PPFIA2: variants seen among roughly 807,000 people sequenced by gnomAD.
PPFIA2 encodes the protein liprin-alpha-2.
PPFIA2 carries 46 observed loss-of-function variants against 175.5 expected under a neutral mutation model. The observed-to-expected ratio is 0.26, with a 90% CI of 0.21 to 0.34. The LOEUF (loss-of-function observed/expected upper bound fraction) is 0.34. Among genes scored for constraint, PPFIA2 ranks in the 10% least tolerant of loss-of-function variants. PPFIA2 has a pLI of 1.00. For synonymous variants in PPFIA2, 568 were observed against 511.4 expected (o/e 1.11, Z -1.49); for missense variants, 1,179 against 1,506.1 (o/e 0.78, Z 3.60).
intron 4 of PPFIA2, among the ~76,000 whole-genome samples, chr12:81,645,744 A>G (rs2065969928): frequency 6.6e-6 from 1 of 152,232 alleles, no homozygotes; most frequent in Admixed American, 6.5e-5. Flanking sequence ...AGTGGGTAGT[A>G]GGGAGGCAAG....
chr12:81,348,713 G>C (rs879429389), intron 17 of PPFIA2, among the ~76,000 whole-genome samples: 1 of 152,136 alleles, frequency 6.6e-6, no homozygotes, highest in Non-Finnish European at 1.5e-5. Context: ...TCCAGCCTGG[G>C]TGGCAGAGTG....
chr12:81,488,810 C>T (rs756515057), intron 4 of PPFIA2, among the ~76,000 whole-genome samples: 4 of 151,700 alleles, frequency 2.6e-5, no homozygotes, highest in Admixed American at 6.6e-5. Flanking sequence ...AGTTCCCACA[C>T]GAGAACACAT....
intron 7 of PPFIA2, among the ~76,000 whole-genome samples, chr12:81,407,643 C>T (rs1055463658): frequency 9.2e-5 from 14 of 152,072 alleles, no homozygotes; most frequent in Middle Eastern, 3.2e-3. Flanking sequence ...GCGACACTGG[C>T]CTCCTTTCCA....
chr12:81,368,456 T>G (rs2034171686), intron 13 of PPFIA2, among the ~76,000 whole-genome samples: 1 of 151,790 alleles, frequency 6.6e-6, no homozygotes, highest in Admixed American at 6.6e-5. Context: ...AATATTTTCA[T>G]CATAAAAGCA....
intron 3 of PPFIA2, among the ~76,000 whole-genome samples, chr12:81,736,164 A>G (rs1049386835): frequency 2.0e-5 from 3 of 152,092 alleles, no homozygotes; most frequent in African/African-American, 4.8e-5. Context: ...GGCATATATG[A>G]CATCTTAATA....
At chr12:81,389,632 AATAAAAAGTC>A (rs2039725699) in intron 8 of PPFIA2, among the ~76,000 whole-genome samples, 1 of 152,078 alleles carries the variant, frequency 6.6e-6, no homozygotes, top group Admixed American at 6.6e-5. Flanking sequence ...ATAATATCAG[AATAAAAAGTC>A]ATATTAAAAC....
At chr12:81,462,605 T>TAC (rs2054841188) in intron 4 of PPFIA2, among the ~76,000 whole-genome samples, 6 of 118,104 alleles carry the variant, frequency 5.1e-5, no homozygotes, top group East Asian at 2.2e-4. Flanking sequence ...TATATATATA[T>TAC]ATAATATAGC....
chr12:81,533,729 ATCTATC>A (rs2064968319), intron 4 of PPFIA2, among the ~76,000 whole-genome samples: 2 of 74,348 alleles, frequency 2.7e-5, no homozygotes, highest in South Asian at 4.3e-4. Flanking sequence ...CTATCTATCT[ATCTATC>A]TATATATCTA....
At chr12:81,284,157 G>A in intron 25 of PPFIA2, 84 bp downstream of exon 25, 2 of 1,056,654 alleles carry the variant, frequency 1.9e-6, no homozygotes, top group Non-Finnish European at 2.9e-6. Flanking sequence ...TATTACTCTG[G>A]TCTATTGTAA....
At chr12:81,639,672 TATAA>T (rs1485030557) in intron 4 of PPFIA2, among the ~76,000 whole-genome samples, 3 of 152,190 alleles carry the variant, frequency 2.0e-5, no homozygotes, top group African/African-American at 4.8e-5. Context: ...TCATAAAAGT[TATAA>T]ATGTTTTCTT....
At chr12:81,752,176 G>A (rs1028596798) in intron 3 of PPFIA2, among the ~76,000 whole-genome samples, 1 of 152,168 alleles carries the variant, frequency 6.6e-6, no homozygotes, top group African/African-American at 2.4e-5. Flanking sequence ...TTGAAGGTAT[G>A]TTGAACTTGT....
chr12:81,605,624 T>A (rs975997493), intron 4 of PPFIA2, among the ~76,000 whole-genome samples: 6 of 148,768 alleles, frequency 4.0e-5, no homozygotes, highest in Admixed American at 3.4e-4. Flanking sequence ...ATCACTAGCC[T>A]GTCTGTCTAT....
Position 81,600,042 on chromosome 12 carries a change from A to G in PPFIA2, c.303+76749T>C, listed in dbSNP as rs894162037. Reference sequence around the variant, plus strand: ...AACAAAGTTTTTGCCTGGTTTCTCTACTATAAAGTTACTATTTTCCCTTTC... The same window carrying G: ...AACAAAGTTTTTGCCTGGTTTCTCTGCTATAAAGTTACTATTTTCCCTTTC... On this transcript the variant is annotated intron_variant, in intron 4 of 32. Coordinates refer to ENST00000549396, the MANE Select transcript of PPFIA2 (RefSeq NM_003625.5). Among the ~76,000 whole-genome samples the G allele has an allele frequency of 9.2e-5, 14 of 152,058 alleles. 1 individual carries two copies. Among genetic ancestry groups the G allele is most frequent in the African/African-American group, 3.1e-4 (13 of 41,546 alleles).
In PPFIA2 at chr12:81,389,911, C is replaced by T. The variant is rs529491115; in HGVS notation, c.763-5667G>A. ...CATTAGTTAATCTCACATTTTTTCA[C>T]CCTTAGTGGAAATCTTATAATTATT... On this transcript the variant is annotated intron_variant, in intron 8 of 32. Transcript: ENST00000549396. 2.1e-3 allele frequency among the ~76,000 whole-genome samples: 314 copies of T among 152,066 alleles called. 1 individual carries two copies. The highest frequency in any genetic ancestry group is 7.3e-3 in the African/African-American group (302 of 41,534).
At chr12:81,316,408 T>C (rs2052362403) in intron 22 of PPFIA2, among the ~76,000 whole-genome samples, 1 of 151,662 alleles carries the variant, frequency 6.6e-6, no homozygotes, top group Non-Finnish European at 1.5e-5. Context: ...TTGATTTTTT[T>C]ATTTAAAAAG....
chr12:81,635,626 G>T (rs1037533347), intron 4 of PPFIA2, among the ~76,000 whole-genome samples: 1 of 152,132 alleles, frequency 6.6e-6, no homozygotes, highest in Non-Finnish European at 1.5e-5. Flanking sequence ...GTGGTGGCTG[G>T]TGCTGGCTTT....
chr12:81,707,048 G>A (rs1201125129), intron 3 of PPFIA2, among the ~76,000 whole-genome samples: 3 of 152,090 alleles, frequency 2.0e-5, no homozygotes, highest in African/African-American at 7.2e-5. Context: ...TTAAACGTTA[G>A]ACCTAAAATC....
Position 81,542,760 on chromosome 12 carries a change from C to G in PPFIA2, c.304-84894G>C, listed in dbSNP as rs1594745655. 2.6e-5 allele frequency among the ~76,000 whole-genome samples: 4 copies of G among 152,092 alleles called. 1 individual carries two copies. Among genetic ancestry groups the G allele is most frequent in the Admixed American group, 2.6e-4 (4 of 15,242 alleles). On this transcript the variant is annotated intron_variant, in intron 4 of 32. Transcript: ENST00000549396. ...AACAGCCTCTAGCCAGCTTTATAGC[C>G]AGGAATGTCTTTTTCAGGAATCTGG...
At chr12:81,438,434 T>C (rs1001363523) in intron 7 of PPFIA2, among the ~76,000 whole-genome samples, 3 of 152,210 alleles carry the variant, frequency 2.0e-5, no homozygotes, top group South Asian at 4.2e-4. Context: ...ATTGCACCAC[T>C]GCACTCCAGC....
Sources: allele counts gnomAD v4.1 joint callset (sites outside exome capture counted in the v4.1 genomes callset), GRCh38; gene constraint gnomAD v4.1.1; transcripts MANE v1.5; gene names NCBI Gene and HGNC (gene_info 2026-07-23, HGNC 2026-07-21).